The following PHACTR4 variants were observed in gnomAD, a reference collection of about 807,000 sequenced individuals.
The protein encoded by PHACTR4 is protein phosphatase 1, regulatory subunit 124.
A neutral mutation model predicts 72.7 loss-of-function variants in PHACTR4; 51 were observed. The observed-to-expected ratio is 0.70, with a 90% CI of 0.56 to 0.89. The LOEUF (loss-of-function observed/expected upper bound fraction) is 0.89. Ranked by LOEUF, PHACTR4 falls within the 40% of genes least tolerant of loss-of-function variation. PHACTR4 has a pLI of 0.00. For missense variants in PHACTR4, 731 were observed against 861.8 expected, an observed-to-expected ratio of 0.85 and a Z score of 1.90; for synonymous variants, 255 against 302.5, an observed-to-expected ratio of 0.84 and a Z score of 1.63.
At chr1:28,470,339 G>C (rs1042075369) in intron 6 of PHACTR4, among the ~76,000 whole-genome samples, 4 of 152,144 alleles carry the variant, frequency 2.6e-5, no homozygotes, top group African/African-American at 9.6e-5. Flanking sequence ...GCTGCAGTGA[G>C]TTATGATTGC....
At chr1:28,387,605 G>T (rs1652661263) in intron 1 of PHACTR4, among the ~76,000 whole-genome samples, 1 of 152,252 alleles carries the variant, frequency 6.6e-6, no homozygotes, top group South Asian at 2.1e-4. Flanking sequence ...AGGGTGAAAG[G>T]CTGGGCATGG....
At chr1:28,449,251 G>C (rs972930436) in intron 2 of PHACTR4, among the ~76,000 whole-genome samples, 1 of 152,144 alleles carries the variant, frequency 6.6e-6, no homozygotes, top group Non-Finnish European at 1.5e-5. Context: ...TTGAGACCAG[G>C]AGTTTGAGGC....
chr1:28,481,002 G>C (rs899439526), intron 9 of PHACTR4, among the ~76,000 whole-genome samples: 1 of 151,280 alleles, frequency 6.6e-6, no homozygotes, highest in Admixed American at 6.6e-5. Context: ...TGTTTACTTT[G>C]TTGTGGAGTA....
chr1:28,415,375 A>T (rs975329557), intron 2 of PHACTR4, among the ~76,000 whole-genome samples: 1 of 152,080 alleles, frequency 6.6e-6, no homozygotes, highest in Admixed American at 6.6e-5. Context: ...TGCTACCATG[A>T]TGCTCCACAC....
intron 1 of PHACTR4, among the ~76,000 whole-genome samples, chr1:28,401,726 G>A (rs1653961655): frequency 6.6e-6 from 1 of 152,060 alleles, no homozygotes; most frequent in South Asian, 2.1e-4. Flanking sequence ...CTGCCTCAGA[G>A]TAGCTAGGAC....
At chr1:28,463,181 C>T (rs1050792649) in intron 4 of PHACTR4, among the ~76,000 whole-genome samples, 4 of 151,908 alleles carry the variant, frequency 2.6e-5, no homozygotes, top group African/African-American at 7.3e-5. Flanking sequence ...GCCTGGGCGA[C>T]AGAGTGAGAC....
chr1:28,440,250 C>T (rs866783195), intron 2 of PHACTR4, among the ~76,000 whole-genome samples: 1 of 138,210 alleles, frequency 7.2e-6, no homozygotes. Flanking sequence ...TGCAGTGAGC[C>T]GAGATCGTGC....
At chr1:28,415,105 C>CA (rs1485643629) in intron 2 of PHACTR4, among the ~76,000 whole-genome samples, 5 of 151,610 alleles carry the variant, frequency 3.3e-5, no homozygotes, top group Non-Finnish European at 7.4e-5. Context: ...TACTAAAATA[C>CA]AAAAAATTAC....
intron 8 of PHACTR4, among the ~76,000 whole-genome samples, chr1:28,477,826 A>T (rs1219999142): frequency 2.0e-5 from 3 of 151,992 alleles, no homozygotes; most frequent in Non-Finnish European, 4.4e-5. Flanking sequence ...AGCTGAGAAC[A>T]CAGGTGTGAG....
At chr1:28,460,368 T>TTTTC (rs1294509975) in intron 4 of PHACTR4, 76 bp downstream of exon 4, 3 of 1,084,360 alleles carry the variant, frequency 2.8e-6, no homozygotes, top group African/African-American at 1.6e-5. Context: ...GATATTTGAA[T>TTTTC]TTTCTTTCTT....
intron 1 of PHACTR4, among the ~76,000 whole-genome samples, chr1:28,385,211 G>T (rs1652465458): frequency 6.6e-6 from 1 of 152,068 alleles, no homozygotes; most frequent in African/African-American, 2.4e-5. Flanking sequence ...TAGTTTCAAA[G>T]AACTTCTTGA....
Position 28,480,475 on chromosome 1 carries a change from G to A in PHACTR4, c.1631G>A (p.Arg544Lys). 6.2e-7 allele frequency: 1 copy of A among 1,614,050 alleles called. No homozygotes were observed. Among genetic ancestry groups the A allele is most frequent in the Non-Finnish European group, 8.5e-7 (1 of 1,179,986 alleles). The change falls in exon 9 of 14, where the codon AGG becomes AAG. Residue 544 changes from arginine (R) to lysine (K), a missense_variant. By Grantham distance (26) the Arg-to-Lys change is conservative. Around this residue, in one of 2 missense-constraint regions of PHACTR4, gnomAD observed 621 missense variants for 676.6 expected, o/e 0.92. Coordinates refer to ENST00000373839, the MANE Select transcript of PHACTR4 (RefSeq NM_001048183.3). ...GGTGCTCTCGCCAACAAAGTGAAGA[G>A]GAAAGACACACTGGCAATGAAGTTG... ...YQSALANKVK[R>K]KDTLAMKLNH...
chr1:28,488,070 A>G (rs1254907093), intron 9 of PHACTR4, among the ~76,000 whole-genome samples: 1 of 152,020 alleles, frequency 6.6e-6, no homozygotes, highest in Non-Finnish European at 1.5e-5. Context: ...ACATCTCAGA[A>G]CTGTGATGAG....
chr1:28,465,737 C>T lies in PHACTR4; in HGVS notation c.324C>T (p.Thr108=). 1 of 1,613,924 alleles carries T rather than the reference C, an allele frequency of 6.2e-7. No individual in the cohort carries two copies. Among genetic ancestry groups the T allele is most frequent in the Non-Finnish European group, 8.5e-7 (1 of 1,179,930 alleles). Residue 108 remains threonine (T), a synonymous_variant, in exon 5 of 14, where the codon ACC becomes ACT. Transcript: ENST00000373839. ...ATGCCATGTTAAAGAATGGCCATAC[C>T]ACCCCCATAGGGAATGCCAGATCAT... ...PSDAMLKNGH[T]TPIGNARSSS...
At chr1:28,453,985 G>T (rs192158305) in intron 2 of PHACTR4, 1 of 492,726 alleles carries the variant, frequency 2.0e-6, no homozygotes. Flanking sequence ...GAAGGCCAAG[G>T]TGGGAGGATC....
Position 28,498,130 on chromosome 1 carries a change from C to CT in PHACTR4, c.*1583dup, listed in dbSNP as rs1406504854. 1 of 152,164 alleles carries CT rather than the reference C, an allele frequency of 6.6e-6. No individual in the cohort carries two copies. The highest frequency in any genetic ancestry group is 1.5e-5 in the Non-Finnish European group (1 of 68,038). 9.4% of individuals were successfully genotyped at this position (152,164 alleles called of 1,614,324 possible). A position where few individuals can be genotyped will look rare whatever the true frequency, so the allele number is the denominator to read the frequency against. ...TTCGACCAATAAATGTATTCTCCTC[C>CT]TTAAAGCAGAGTTGTATCAACTCTG... is the stretch of plus-strand genomic sequence containing the variant. On this transcript the variant is annotated 3_prime_UTR_variant, in exon 14 of 14. Transcript: ENST00000373839.
Position 28,499,702 on chromosome 1 carries a change from CG to C in PHACTR4, c.*3157del, listed in dbSNP as rs1163897234. On this transcript the variant is annotated 3_prime_UTR_variant, in exon 14 of 14. Transcript: ENST00000373839. Reference sequence around the variant, plus strand: ...TATTGCCCAGGCTCGTCTTGAACACCGGGGCTCAAGGAATCTGCCCATCTTC... The same window carrying C: ...TATTGCCCAGGCTCGTCTTGAACACCGGGCTCAAGGAATCTGCCCATCTTC... 6.6e-6 allele frequency: 1 copy of C among 152,126 alleles called. No individual in the cohort carries two copies. Among genetic ancestry groups the C allele is most frequent in the Non-Finnish European group, 1.5e-5 (1 of 68,048 alleles). The allele number at this position is 152,126 out of a possible 1,614,324, so 9.4% of individuals were successfully genotyped here. A position where few individuals can be genotyped will look rare whatever the true frequency, so the allele number is the denominator to read the frequency against.
chr1:28,482,276 C>T (rs1660329810), intron 9 of PHACTR4, among the ~76,000 whole-genome samples: 1 of 152,144 alleles, frequency 6.6e-6, no homozygotes, highest in African/African-American at 2.4e-5. Context: ...GTTCCCAGAA[C>T]AGAAAGGCTC....
intron 1 of PHACTR4, among the ~76,000 whole-genome samples, chr1:28,392,349 A>G (rs191853553): frequency 4.8e-4 from 73 of 152,132 alleles, no homozygotes; most frequent in African/African-American, 1.6e-3. Context: ...TAATGGCCCC[A>G]AAGTGCAAGA....
Sources: allele counts gnomAD v4.1 joint callset (sites outside exome capture counted in the v4.1 genomes callset), GRCh38; gene constraint gnomAD v4.1.1; regional missense constraint gnomAD v4.1.1; transcripts MANE v1.5; gene names NCBI Gene and HGNC (gene_info 2026-07-23, HGNC 2026-07-21).